The following CTNND2 variants were observed in gnomAD, a reference collection of about 807,000 sequenced individuals.
CTNND2 encodes the protein catenin delta 2.
In CTNND2, 22 loss-of-function variants were observed where a neutral mutation model predicts 144.4. That is an observed-to-expected ratio of 0.15 (90% CI 0.11 to 0.22). CTNND2 has a LOEUF of 0.22. CTNND2 is among the 10% of genes least tolerant of loss of function. The pLI is 1.00. For missense variants in CTNND2, 1,353 were observed against 1,618.8 expected (o/e 0.84, Z 2.82); for synonymous variants, 751 against 695.6 (o/e 1.08, Z -1.25).
chr5:11,030,754 G>GTTTTTTTTTTTT (rs61312361), intron 16 of CTNND2, among the ~76,000 whole-genome samples: 5 of 100,738 alleles, frequency 5.0e-5, no homozygotes, highest in East Asian at 3.4e-4. Context: ...TATGGTTTCT[G>GTTTTTTTTTTTT]TTTTTTTTTT....
chr5:11,902,253 A>C (rs1737963713), intron 1 of CTNND2, among the ~76,000 whole-genome samples: 2 of 152,320 alleles, frequency 1.3e-5, no homozygotes, highest in Middle Eastern at 3.4e-3. Flanking sequence ...TCCGTATGGC[A>C]ACCATATGCT....
intron 12 of CTNND2, among the ~76,000 whole-genome samples, chr5:11,148,489 G>T (rs1162380401): frequency 6.6e-6 from 1 of 152,210 alleles, no homozygotes. Flanking sequence ...TCTGGGCTTG[G>T]TGGTCTATGG....
At chr5:11,128,805 AC>A (rs374628477) in intron 12 of CTNND2, among the ~76,000 whole-genome samples, 50 of 17,968 alleles carry the variant, frequency 2.8e-3, no homozygotes, top group Non-Finnish European at 4.3e-3. Flanking sequence ...TTATATATAT[AC>A]AATATATATA....
intron 15 of CTNND2, chr5:11,083,808 A>G (rs899029376): frequency 1.4e-5 from 9 of 624,268 alleles, no homozygotes; most frequent in Non-Finnish European, 1.9e-5. Flanking sequence ...GTCCTTTCCC[A>G]CCCAGTCCCC....
At chr5:11,140,240 A>T (rs1224286636) in intron 12 of CTNND2, among the ~76,000 whole-genome samples, 8 of 152,204 alleles carry the variant, frequency 5.3e-5, no homozygotes, top group African/African-American at 1.9e-4. Flanking sequence ...CAAAGAAAAC[A>T]TGACAATCTC....
intron 3 of CTNND2, among the ~76,000 whole-genome samples, chr5:11,462,801 ATG>A (rs1422379286): frequency 6.6e-6 from 1 of 152,130 alleles, no homozygotes; most frequent in Non-Finnish European, 1.5e-5. Flanking sequence ...ACTCTAATCT[ATG>A]TGTTTCTTAA....
At position 11,205,367 on chromosome 5, in the gene CTNND2, G is replaced by A. The variant is rs569719394; in HGVS notation, c.1762-5706C>T. On this transcript the variant is annotated intron_variant, in intron 10 of 21. Coordinates refer to ENST00000304623, the MANE Select transcript of CTNND2 (RefSeq NM_001332.4). ...TAAAAAGAAGATAAGGGAATGCGGT[G>A]ATTTTTTTGCTAAATTTTCAATTAA... Among the ~76,000 whole-genome samples, 11 of 152,206 alleles carry A rather than the reference G, an allele frequency of 7.2e-5. No individual in the cohort carries two copies. The East Asian group carries it at 1.9e-3, about 27-fold the overall frequency.
chr5:11,879,108 C>A (rs1017834993), intron 1 of CTNND2, among the ~76,000 whole-genome samples: 3 of 151,794 alleles, frequency 2.0e-5, no homozygotes, highest in Non-Finnish European at 4.4e-5. Context: ...CAAGTGGCAC[C>A]GCAGAACATG....
intron 2 of CTNND2, among the ~76,000 whole-genome samples, chr5:11,707,164 C>T (rs1180007841): frequency 2.6e-5 from 4 of 152,010 alleles, no homozygotes; most frequent in Non-Finnish European, 2.9e-5. Context: ...AGAAACACAG[C>T]ACTTCTGAGA....
chr5:11,139,920 G>T (rs1008350364), intron 12 of CTNND2, among the ~76,000 whole-genome samples: 3 of 152,176 alleles, frequency 2.0e-5, no homozygotes, highest in African/African-American at 4.8e-5. Context: ...GCTCATGGCT[G>T]CTTCCTCTGT....
intron 10 of CTNND2, among the ~76,000 whole-genome samples, chr5:11,206,363 T>C (rs1157061833): frequency 2.0e-5 from 3 of 152,194 alleles, no homozygotes; most frequent in South Asian, 4.1e-4. Context: ...TTGTGAGTCC[T>C]CAGAATTGCT....
chr5:11,458,571 C>T (rs1318375018), intron 3 of CTNND2, among the ~76,000 whole-genome samples: 1 of 152,108 alleles, frequency 6.6e-6, no homozygotes, highest in Non-Finnish European at 1.5e-5. Context: ...AGGTGGAAAC[C>T]AGGAAGAGCG....
At chr5:11,231,968 G>A (rs1394086922) in intron 10 of CTNND2, among the ~76,000 whole-genome samples, 2 of 152,248 alleles carry the variant, frequency 1.3e-5, no homozygotes, top group Non-Finnish European at 2.9e-5. Flanking sequence ...TGGCTAATAG[G>A]GGCCAAGGTA....
At chr5:11,181,560 G>A (rs1734955339) in intron 11 of CTNND2, among the ~76,000 whole-genome samples, 1 of 152,180 alleles carries the variant, frequency 6.6e-6, no homozygotes, top group Non-Finnish European at 1.5e-5. Flanking sequence ...AAAGAAGTCG[G>A]GGATAGTAGT....
At chr5:11,819,465 CTTTTTAT>C in intron 1 of CTNND2, among the ~76,000 whole-genome samples, 1 of 150,666 alleles carries the variant, frequency 6.6e-6, no homozygotes, top group East Asian at 2.0e-4. Flanking sequence ...AGACAGACCT[CTTTTTAT>C]TTTCTTAATG....
At chr5:11,419,610 A>T (rs1693994813) in intron 3 of CTNND2, among the ~76,000 whole-genome samples, 1 of 152,222 alleles carries the variant, frequency 6.6e-6, no homozygotes, top group Non-Finnish European at 1.5e-5. Context: ...GAGGGCATGA[A>T]ATAGGAAGCA....
intron 18 of CTNND2, among the ~76,000 whole-genome samples, chr5:11,015,522 AAC>A (rs1214452223): frequency 6.6e-6 from 1 of 152,214 alleles, no homozygotes; most frequent in Admixed American, 6.5e-5. Flanking sequence ...AATTCCTGTC[AAC>A]ACATTCTTTT....
At chr5:11,034,815 G>GT (rs943125114) in intron 16 of CTNND2, among the ~76,000 whole-genome samples, 70 of 150,742 alleles carry the variant, frequency 4.6e-4, no homozygotes, top group African/African-American at 1.4e-3. Context: ...TTGGGATCTT[G>GT]TTTTTTTTGT....
chr5:11,034,608 G>A (rs1743864212), intron 16 of CTNND2, among the ~76,000 whole-genome samples: 1 of 152,218 alleles, frequency 6.6e-6, no homozygotes, highest in Non-Finnish European at 1.5e-5. Context: ...ACATTGTGAG[G>A]AGTCACAGGC....
Sources: gnomAD v4.1 joint callset for allele counts (sites outside exome capture counted in the v4.1 genomes callset) on GRCh38, gnomAD v4.1.1 for gene constraint, MANE v1.5 for transcripts, NCBI Gene and HGNC (gene_info 2026-07-23, HGNC 2026-07-21) for gene names.